SMIM14: variants seen among roughly 807,000 people sequenced by gnomAD.
The protein encoded by SMIM14 is chromosome 4 open reading frame 34.
In SMIM14, 5 loss-of-function variants were observed where a neutral mutation model predicts 12.6. That is an observed-to-expected ratio of 0.40 (90% confidence interval 0.21 to 0.83). SMIM14 has a LOEUF of 0.83. Ranked by LOEUF, SMIM14 falls within the 40% of genes least tolerant of loss-of-function variation. The pLI, the probability that SMIM14 is intolerant of heterozygous loss-of-function variation, is 0.37. For missense variants in SMIM14, 86 were observed against 119.1 expected, an observed-to-expected ratio of 0.72 and a Z score of 1.29; for synonymous variants, 30 against 40.1, an observed-to-expected ratio of 0.75 and a Z score of 0.95.
intron 1 of SMIM14, among the ~76,000 whole-genome samples, chr4:39,608,577 A>G (rs934732847): frequency 1.3e-5 from 2 of 152,244 alleles, no homozygotes; most frequent in African/African-American, 4.8e-5. Context: ...TTTATATGAA[A>G]TATCTAGCTA....
intron 1 of SMIM14, among the ~76,000 whole-genome samples, chr4:39,626,004 CAGA>C (rs1330144731): frequency 1.3e-5 from 2 of 152,138 alleles, no homozygotes; most frequent in Non-Finnish European, 2.9e-5. Context: ...GGCAGCACAG[CAGA>C]AGGAGGTGAG....
intron 2 of SMIM14, among the ~76,000 whole-genome samples, chr4:39,575,429 C>A (rs1476882321): frequency 6.6e-6 from 1 of 151,956 alleles, no homozygotes; most frequent in Admixed American, 6.6e-5. Flanking sequence ...CTCCTGAGCT[C>A]AAGCAATCCA....
chr4:39,632,522 A>G (rs989942385), intron 1 of SMIM14, among the ~76,000 whole-genome samples: 4 of 148,972 alleles, frequency 2.7e-5, no homozygotes, highest in Non-Finnish European at 3.0e-5. Context: ...GACCAGGTGC[A>G]ATGGCTCACA....
intron 3 of SMIM14, among the ~76,000 whole-genome samples, chr4:39,561,931 TCAA>T (rs1045683787): frequency 1.5e-4 from 22 of 150,804 alleles, no homozygotes; most frequent in African/African-American, 4.6e-4. Context: ...AGACTCCATC[TCAA>T]CAACAACAAC....
At chr4:39,638,629 G>A in intron 1 of SMIM14, 110 bp downstream of exon 1, 1 of 974,210 alleles carries the variant, frequency 1.0e-6, no homozygotes. Flanking sequence ...AAACAGCCCT[G>A]TTCTGCCGCA....
chr4:39,630,342 G>T, intron 1 of SMIM14, among the ~76,000 whole-genome samples: 1 of 152,124 alleles, frequency 6.6e-6, no homozygotes. Flanking sequence ...GGAGTTCAAG[G>T]CTACCGTGAG....
chr4:39,637,611 AAGTT>A lies in SMIM14; in HGVS notation c.-36+1124_-36+1127del, dbSNP rs200151873. Among the ~76,000 whole-genome samples the A allele has an allele frequency of 4.3e-3, 658 of 152,198 alleles. 20 individuals are homozygous for A. The East Asian group carries it at 0.082, about 19-fold the overall frequency. The stretch of plus-strand genomic sequence containing the variant: ...AAACACCACGTTGGAAAAAAAAAAA[AAGTT>A]AGGACAAAAAGGTTTGGTTTTCTGG... On this transcript the variant is annotated intron_variant, in intron 1 of 4. Coordinates refer to ENST00000295958, the MANE Select transcript of SMIM14 (RefSeq NM_174921.3).
At chr4:39,584,344 TG>T (rs1713666370) in intron 2 of SMIM14, among the ~76,000 whole-genome samples, 1 of 151,182 alleles carries the variant, frequency 6.6e-6, no homozygotes, top group Admixed American at 6.6e-5. Context: ...TAGCCGGGCA[TG>T]CTGGTGTGCA....
At position 39,629,360 on chromosome 4, in the gene SMIM14, CA is replaced by C. The variant is rs11459763; in HGVS notation, c.-36+9378del. Among the ~76,000 whole-genome samples, 212 of 80,486 alleles carry C rather than the reference CA, an allele frequency of 2.6e-3. 4 individuals are homozygous for C. The East Asian group carries it at 0.042, about 16-fold the overall frequency. The allele number at this position is 80,486 out of a possible 152,430, so 52.8% of individuals were successfully genotyped here. A position where few individuals can be genotyped will look rare whatever the true frequency, so the allele number is the denominator to read the frequency against. On this transcript the variant is annotated intron_variant, in intron 1 of 4. Transcript: ENST00000295958. Reference sequence around the variant, plus strand: ...TGGGTGACAAAGCAAGACTCTGTCTCAAAAAAAAAAAAAAAAAAGATACATA... The same window carrying C: ...TGGGTGACAAAGCAAGACTCTGTCTCAAAAAAAAAAAAAAAAAGATACATA...
At chr4:39,566,886 G>A (rs1049632646) in intron 3 of SMIM14, among the ~76,000 whole-genome samples, 1 of 152,150 alleles carries the variant, frequency 6.6e-6, no homozygotes, top group African/African-American at 2.4e-5. Context: ...AGAATCGCTT[G>A]AACCTGCGAG....
At chr4:39,580,078 T>A (rs544704635) in intron 2 of SMIM14, among the ~76,000 whole-genome samples, 1 of 152,270 alleles carries the variant, frequency 6.6e-6, no homozygotes, top group African/African-American at 2.4e-5. Flanking sequence ...AAGAACCTCA[T>A]ATGTGTTGGA....
intron 1 of SMIM14, among the ~76,000 whole-genome samples, chr4:39,633,347 C>A (rs182953293): frequency 6.6e-6 from 1 of 152,214 alleles, no homozygotes; most frequent in Admixed American, 6.5e-5. Context: ...ATTAGACTGG[C>A]TGCTGTAATT....
At position 39,619,876 on chromosome 4, in the gene SMIM14, A is replaced by ATTTTTTTTTT. The variant is rs368919092; in HGVS notation, c.-35-14706_-35-14697dup. ...TATATATATTTATATATATATATAT[A>ATTTTTTTTTT]TTTTTTTTTTTTTAAGAGCAAGATA... On this transcript the variant is annotated intron_variant, in intron 1 of 4. Transcript: ENST00000295958. 1.5e-3 allele frequency among the ~76,000 whole-genome samples: 168 copies of ATTTTTTTTTT among 115,846 alleles called. 1 individual carries two copies. Among genetic ancestry groups the ATTTTTTTTTT allele is most frequent in the African/African-American group, 5.7e-3 (166 of 29,112 alleles). 76.0% of individuals were successfully genotyped at this position (115,846 alleles called of 152,430 possible). A position where few individuals can be genotyped will look rare whatever the true frequency, so the allele number is the denominator to read the frequency against.
rs1010170650 is a variant in SMIM14 at position 39,551,958 on chromosome 4, CA to C, written c.*167del. 5 of 462,562 alleles carry C rather than the reference CA, an allele frequency of 1.1e-5. No individual in the cohort carries two copies. Among genetic ancestry groups the C allele is most frequent in the Non-Finnish European group, 1.9e-5 (5 of 260,094 alleles). The allele number at this position is 462,562 out of a possible 1,614,324, so 28.7% of individuals were successfully genotyped here. On this transcript the variant is annotated 3_prime_UTR_variant, in exon 5 of 5. Coordinates refer to ENST00000295958, the MANE Select transcript of SMIM14 (RefSeq NM_174921.3). ...ATAGGAATGGCAGTAACACAGGAAG[CA>C]AAAATAAACTTGCAAGTGAAATTTC...
chr4:39,570,191 C>T (rs902503893), intron 3 of SMIM14, among the ~76,000 whole-genome samples: 2 of 151,782 alleles, frequency 1.3e-5, no homozygotes, highest in African/African-American at 2.4e-5. Flanking sequence ...TAGAGAGTCT[C>T]GCCCTGTCAC....
At chr4:39,629,073 C>T (rs956509235) in intron 1 of SMIM14, among the ~76,000 whole-genome samples, 2 of 151,196 alleles carry the variant, frequency 1.3e-5, no homozygotes, top group Non-Finnish European at 2.9e-5. Context: ...AAAAATTTAA[C>T]AGAAAATATA....
intron 3 of SMIM14, among the ~76,000 whole-genome samples, chr4:39,569,569 A>C (rs1712773460): frequency 6.6e-6 from 1 of 152,054 alleles, no homozygotes; most frequent in Non-Finnish European, 1.5e-5. Context: ...TGCCTTTTTG[A>C]CATAGAAATT....
At chr4:39,635,531 G>A (rs1190241516) in intron 1 of SMIM14, among the ~76,000 whole-genome samples, 2 of 152,116 alleles carry the variant, frequency 1.3e-5, no homozygotes, top group East Asian at 3.8e-4. Context: ...AAGATAGCCT[G>A]GCAAAGCTGA....
At chr4:39,576,826 C>T (rs1223960918) in intron 2 of SMIM14, among the ~76,000 whole-genome samples, 2 of 149,004 alleles carry the variant, frequency 1.3e-5, no homozygotes, top group Non-Finnish European at 3.0e-5. Flanking sequence ...ATTCTCCTGC[C>T]TCAGCCTCCC....
Sources: gnomAD v4.1 joint callset for allele counts (sites outside exome capture counted in the v4.1 genomes callset) on GRCh38, gnomAD v4.1.1 for gene constraint, MANE v1.5 for transcripts, NCBI Gene and HGNC (gene_info 2026-07-23, HGNC 2026-07-21) for gene names.